The following RSPO2 variants were observed in gnomAD, a reference collection of about 807,000 sequenced individuals.
RSPO2 encodes the protein R-spondin-2.
A neutral mutation model predicts 30.9 loss-of-function variants in RSPO2; 14 were observed. The ratio of observed to expected loss-of-function variants is 0.45; its 90% CI spans 0.30 to 0.71. The LOEUF (loss-of-function observed/expected upper bound fraction) is 0.71. RSPO2 is among the 30% of genes least tolerant of loss of function. RSPO2 has a pLI of 0.08. For synonymous variants in RSPO2, 107 were observed against 96.4 expected, an observed-to-expected ratio of 1.11 and a Z score of -0.64; for missense variants, 264 against 301.9, an observed-to-expected ratio of 0.87 and a Z score of 0.93.
chr8:108,072,813 G>C (rs993660122), intron 2 of RSPO2, among the ~76,000 whole-genome samples: 4 of 152,116 alleles, frequency 2.6e-5, no homozygotes, highest in African/African-American at 9.7e-5. Context: ...CAAAGTATGA[G>C]AGAAGCATCG....
intron 3 of RSPO2, among the ~76,000 whole-genome samples, chr8:107,986,569 A>T (rs1342064552): frequency 1.3e-5 from 2 of 152,168 alleles, no homozygotes; most frequent in African/African-American, 4.8e-5. Context: ...GACCATTCAT[A>T]CCAGTTTGCA....
rs759927664 is a variant in RSPO2, at chr8:107,958,093, C to T, written c.603G>A (p.Arg201=). The T allele has an allele frequency of 1.2e-6, 2 of 1,610,874 alleles. No homozygotes were observed. The highest frequency in any genetic ancestry group is 1.1e-5 in the South Asian group (1 of 90,942). Residue 201 remains arginine, a synonymous_variant, in exon 5 of 6, where the codon AGG becomes AGA. Coordinates refer to ENST00000276659, the MANE Select transcript of RSPO2 (RefSeq NM_178565.5). ...AESRRCKMTM[R]HCPGGKRTPK... is the part of the protein sequence containing the mutation. ...ATCCACACCTACCTCCTGGACAATGCCTCATTGTCATCTTGCATCTCCTGG... is the reference window on the plus strand; with the variant it reads ...ATCCACACCTACCTCCTGGACAATGTCTCATTGTCATCTTGCATCTCCTGG...
At chr8:108,025,384 G>A (rs1416395983) in intron 2 of RSPO2, among the ~76,000 whole-genome samples, 2 of 152,174 alleles carry the variant, frequency 1.3e-5, no homozygotes, top group Non-Finnish European at 2.9e-5. Context: ...AAGTTTAAAG[G>A]AGGTCCCAGT....
At chr8:108,034,562 T>C (rs1422653008) in intron 2 of RSPO2, among the ~76,000 whole-genome samples, 1 of 152,220 alleles carries the variant, frequency 6.6e-6, no homozygotes, top group African/African-American at 2.4e-5. Context: ...TTTTAAAACA[T>C]TGAATCTGAG....
chr8:107,941,214 G>T (rs955025165), intron 5 of RSPO2, among the ~76,000 whole-genome samples: 5 of 151,976 alleles, frequency 3.3e-5, no homozygotes, highest in African/African-American at 1.2e-4. Flanking sequence ...GACACAATCA[G>T]TCAGAATCCA....
intron 5 of RSPO2, among the ~76,000 whole-genome samples, chr8:107,911,882 A>G (rs1811838168): frequency 6.6e-6 from 1 of 152,096 alleles, no homozygotes; most frequent in Non-Finnish European, 1.5e-5. Flanking sequence ...AAACAAATTA[A>G]TAAGTAAATA....
intron 3 of RSPO2, among the ~76,000 whole-genome samples, chr8:107,965,479 C>T (rs1382652567): frequency 6.6e-6 from 1 of 152,194 alleles, no homozygotes; most frequent in African/African-American, 2.4e-5. Flanking sequence ...TAGTATATGC[C>T]AGACCCTAAG....
At chr8:107,960,240 ATTTCT>A (rs759603638) in intron 4 of RSPO2, among the ~76,000 whole-genome samples, 13 of 152,218 alleles carry the variant, frequency 8.5e-5, no homozygotes, top group Admixed American at 2.6e-4. Flanking sequence ...GGCACAAAGA[ATTTCT>A]TTTCAAGTTT....
chr8:108,078,414 G>A (rs567280854), intron 2 of RSPO2, among the ~76,000 whole-genome samples: 5 of 152,300 alleles, frequency 3.3e-5, no homozygotes, highest in African/African-American at 1.2e-4. Flanking sequence ...AAGTAAGCAA[G>A]TGTACAAAAT....
chr8:107,946,952 G>A (rs1813081801), intron 5 of RSPO2, among the ~76,000 whole-genome samples: 1 of 152,210 alleles, frequency 6.6e-6, no homozygotes, highest in Non-Finnish European at 1.5e-5. Context: ...CTGTAGGTAA[G>A]GTTGGAGAGA....
intron 2 of RSPO2, among the ~76,000 whole-genome samples, chr8:108,023,437 A>G (rs1392941246): frequency 6.6e-6 from 1 of 152,224 alleles, no homozygotes; most frequent in Non-Finnish European, 1.5e-5. Flanking sequence ...GTTCAAGTGC[A>G]TGAGGATCAG....
At chr8:107,917,458 C>CA (rs1338596139) in intron 5 of RSPO2, among the ~76,000 whole-genome samples, 2 of 151,704 alleles carry the variant, frequency 1.3e-5, no homozygotes, top group Non-Finnish European at 2.9e-5. Context: ...GCACTCCAGC[C>CA]AAAAAAATAA....
chr8:107,918,760 C>T (rs1458913706), intron 5 of RSPO2, among the ~76,000 whole-genome samples: 2 of 152,094 alleles, frequency 1.3e-5, no homozygotes, highest in Non-Finnish European at 2.9e-5. Context: ...TGCACATAAT[C>T]AGGCCAAGTA....
chr8:108,015,470 CAGT>C (rs1241545894), intron 2 of RSPO2, among the ~76,000 whole-genome samples: 1 of 152,162 alleles, frequency 6.6e-6, no homozygotes, highest in Non-Finnish European at 1.5e-5. Context: ...CTTGAGCAAA[CAGT>C]AGTCGGGTTC....
At chr8:108,044,301 T>C (rs902379051) in intron 2 of RSPO2, among the ~76,000 whole-genome samples, 1 of 152,138 alleles carries the variant, frequency 6.6e-6, no homozygotes, top group Non-Finnish European at 1.5e-5. Context: ...ATATATTGTA[T>C]GATGCTGATG....
At chr8:107,914,715 G>T (rs1447667970) in intron 5 of RSPO2, among the ~76,000 whole-genome samples, 1 of 152,108 alleles carries the variant, frequency 6.6e-6, no homozygotes, top group Non-Finnish European at 1.5e-5. Flanking sequence ...AGGAATTAAT[G>T]AATTAAGACA....
At chr8:108,050,379 TCTC>T (rs1263083012) in intron 2 of RSPO2, among the ~76,000 whole-genome samples, 2 of 152,172 alleles carry the variant, frequency 1.3e-5, no homozygotes, top group East Asian at 1.9e-4. Flanking sequence ...TTTTGAATAA[TCTC>T]CTGTTTCTTT....
At chr8:107,905,587 G>A (rs758449070) in intron 5 of RSPO2, among the ~76,000 whole-genome samples, 14 of 152,024 alleles carry the variant, frequency 9.2e-5, no homozygotes, top group East Asian at 1.9e-4. Flanking sequence ...TGGAGATTTC[G>A]AAATCACCTC....
At chr8:108,065,979 A>G (rs1167030185) in intron 2 of RSPO2, among the ~76,000 whole-genome samples, 1 of 152,228 alleles carries the variant, frequency 6.6e-6, no homozygotes, top group African/African-American at 2.4e-5. Context: ...CAGAGGTTAC[A>G]GTGAGCAGAG....
Sources: allele counts gnomAD v4.1 joint callset (sites outside exome capture counted in the v4.1 genomes callset), GRCh38; gene constraint gnomAD v4.1.1; transcripts MANE v1.5; gene names NCBI Gene and HGNC (gene_info 2026-07-23, HGNC 2026-07-21).